Variants in CFHR3 observed in about 807,000 individuals in gnomAD.
CFHR3 encodes the protein complement factor H-related protein 3.
CFHR3 carries 22 observed loss-of-function variants against 36.0 expected under a neutral mutation model. That is an observed-to-expected ratio of 0.61 (90% CI 0.44 to 0.87). CFHR3 has a LOEUF of 0.87. Among genes scored for constraint, CFHR3 ranks in the 40% least tolerant of loss-of-function variants. CFHR3 has a pLI of 0.00. For synonymous variants in CFHR3, 97 were observed against 137.4 expected (o/e 0.71, Z 2.06); for missense variants, 276 against 401.3 (o/e 0.69, Z 2.67).
At position 196,795,218 on chromosome 1, in the gene CFHR3, C is replaced by T. The variant is rs1421582980; in HGVS notation, c.*1705C>T. The T allele has an allele frequency of 1.5e-5, 2 of 136,006 alleles. No homozygotes were observed. The highest frequency in any genetic ancestry group is 3.1e-5 in the Non-Finnish European group (2 of 64,362). The allele number at this position is 136,006 out of a possible 1,614,324, so 8.4% of individuals were successfully genotyped here. On this transcript the variant is annotated 3_prime_UTR_variant, in exon 6 of 6. Transcript: ENST00000367425. ...ATCATGGGAGCAGTTTCCCCATACCCCACTCATGGTAGTAAATACATCTCA... is the reference window on the plus strand; with the variant it reads ...ATCATGGGAGCAGTTTCCCCATACCTCACTCATGGTAGTAAATACATCTCA...
At chr1:196,789,790 A>T in intron 4 of CFHR3, 1 of 1,255,808 alleles carries the variant, frequency 8.0e-7, no homozygotes, top group Non-Finnish European at 1.0e-6. Context: ...TTTTTATTAG[A>T]ATTAAATAAA....
rs1472607168 is a variant in CFHR3, at chr1:196,781,251, G to A, written c.430+1278G>A. 1.1e-4 allele frequency among the ~76,000 whole-genome samples: 15 copies of A among 134,694 alleles called. 5 individuals carry two copies. The highest frequency in any genetic ancestry group is 2.2e-4 in the African/African-American group (7 of 31,732). 88.4% of individuals were successfully genotyped at this position (134,694 alleles called of 152,430 possible). A position where few individuals can be genotyped will look rare whatever the true frequency, so the allele number is the denominator to read the frequency against. ...AGTCTTTGCTATTGTGAATAATGCC[G>A]CAATAAGCATACGTGTGCATGTGTC... is the stretch of plus-strand genomic sequence containing the variant. On this transcript the variant is annotated intron_variant, in intron 3 of 5. Coordinates refer to ENST00000367425, the MANE Select transcript of CFHR3 (RefSeq NM_021023.6).
At position 196,790,670 on chromosome 1, in the gene CFHR3, G is replaced by A. The variant is rs1338215933; in HGVS notation, c.796+443G>A. ...ACCCGGGAGGCAGAGGTTGCAGTGA[G>A]TGGAGATTGCACCATTGCCCTCCAG... On this transcript the variant is annotated intron_variant, in intron 5 of 5. Transcript: ENST00000367425. 8.2e-5 allele frequency among the ~76,000 whole-genome samples: 11 copies of A among 134,770 alleles called. 2 individuals are homozygous for A. The highest frequency in any genetic ancestry group is 3.4e-4 in the African/African-American group (11 of 31,944). The allele number at this position is 134,770 out of a possible 152,430, so 88.4% of individuals were successfully genotyped here. A position where few individuals can be genotyped will look rare whatever the true frequency, so the allele number is the denominator to read the frequency against.
At position 196,788,334 on chromosome 1, in the gene CFHR3, T is replaced by C. The variant is rs377378334; in HGVS notation, c.549T>C (p.Asp183=). 1 of 1,528,906 alleles carries C rather than the reference T, an allele frequency of 6.5e-7. No homozygotes were observed. Among genetic ancestry groups the C allele is most frequent in the Non-Finnish European group, 8.8e-7 (1 of 1,131,686 alleles). 94.7% of individuals were successfully genotyped at this position (1,528,906 alleles called of 1,614,324 possible). A position where few individuals can be genotyped will look rare whatever the true frequency, so the allele number is the denominator to read the frequency against. ...GTAAACCAGGATATGCAACAGCAGA[T>C]GGAAATTCTTCAGGATCAATTACAT... ...YKCKPGYATA[D]GNSSGSITCL... is the part of the protein sequence containing the mutation. Residue 183 remains aspartate (D), a synonymous_variant, in exon 4 of 6, where the codon GAT becomes GAC. Transcript: ENST00000367425.
chr1:196,786,616 C>CAT (rs1654215040), intron 3 of CFHR3, among the ~76,000 whole-genome samples: 1 of 135,390 alleles, frequency 7.4e-6, no homozygotes, highest in Non-Finnish European at 1.6e-5. Flanking sequence ...GCCAGGTGAG[C>CAT]GATATAATCT....
intron 3 of CFHR3, among the ~76,000 whole-genome samples, chr1:196,787,870 A>G (rs1465579350): frequency 7.3e-6 from 1 of 136,950 alleles, no homozygotes; most frequent in African/African-American, 3.1e-5. Context: ...CCTTAATAGT[A>G]CCAAAAATAC....
rs756348984 is a variant in CFHR3 at position 196,779,305 on chromosome 1, G to A, written c.202G>A (p.Asp68Asn). 13 of 1,529,428 alleles carry A rather than the reference G, an allele frequency of 8.5e-6. 3 individuals are homozygous for A. Among genetic ancestry groups the A allele is most frequent in the Non-Finnish European group, 1.2e-5 (13 of 1,130,420 alleles). 94.7% of individuals were successfully genotyped at this position (1,529,428 alleles called of 1,614,324 possible). A position where few individuals can be genotyped will look rare whatever the true frequency, so the allele number is the denominator to read the frequency against. The change falls in exon 2 of 6, where the codon GAT (aspartate) becomes AAT (asparagine). Residue 68 changes from aspartate to asparagine, a missense_variant. Asp to Asn is a conservative substitution (Grantham distance 23, BLOSUM62 1). Transcript: ENST00000367425. ...HFETPSGSYW[D>N]YIHCTQNGWS... The stretch of plus-strand genomic sequence containing the variant: ...TGAGACTCCTTCAGGAAGTTACTGG[G>A]ATTACATTCATTGCACACAAAATGG...
intron 4 of CFHR3, chr1:196,788,885 C>T: frequency 7.0e-7 from 1 of 1,427,446 alleles, no homozygotes; most frequent in Non-Finnish European, 9.2e-7. Flanking sequence ...TGAGGATATC[C>T]AATCAAAAAA....
chr1:196,785,244 CTTCAT>C lies in CFHR3; in HGVS notation c.431-2967_431-2963del, dbSNP rs1654146875. On this transcript the variant is annotated intron_variant, in intron 3 of 5. Coordinates refer to ENST00000367425, the MANE Select transcript of CFHR3 (RefSeq NM_021023.6). The stretch of plus-strand genomic sequence containing the variant: ...CTCTGGCTGCCCTTAACATTTTTTC[CTTCAT>C]TTCAACTTTGGTGAATCTGACAATT... 2.9e-5 allele frequency among the ~76,000 whole-genome samples: 4 copies of C among 135,796 alleles called. 1 individual carries two copies. Among genetic ancestry groups the C allele is most frequent in the African/African-American group, 1.2e-4 (4 of 32,082 alleles). The allele number at this position is 135,796 out of a possible 152,430, so 89.1% of individuals were successfully genotyped here.
In CFHR3 at chr1:196,790,962, A is replaced by G. The variant is rs1368255945; in HGVS notation, c.796+735A>G. On this transcript the variant is annotated intron_variant, in intron 5 of 5. Coordinates refer to ENST00000367425, the MANE Select transcript of CFHR3 (RefSeq NM_021023.6). ...TTTCACATTATTAACACTTAGGTAAAGAGTTTTCAAACAGTTCTGAAAACA... is the reference window on the plus strand; with the variant it reads ...TTTCACATTATTAACACTTAGGTAAGGAGTTTTCAAACAGTTCTGAAAACA... Among the ~76,000 whole-genome samples, 9 of 136,398 alleles carry G rather than the reference A, an allele frequency of 6.6e-5. 3 individuals carry two copies. The highest frequency in any genetic ancestry group is 2.8e-4 in the African/African-American group (9 of 32,726). 89.5% of individuals were successfully genotyped at this position (136,398 alleles called of 152,430 possible). A position where few individuals can be genotyped will look rare whatever the true frequency, so the allele number is the denominator to read the frequency against.
intron 3 of CFHR3, 120 bp downstream of exon 3, chr1:196,780,093 G>A: frequency 7.7e-7 from 1 of 1,299,050 alleles, no homozygotes; most frequent in South Asian, 1.4e-5. Context: ...TTTTGCCAAC[G>A]GACCTATTTA....
At chr1:196,788,948 A>C in intron 4 of CFHR3, 1 of 1,365,100 alleles carries the variant, frequency 7.3e-7, no homozygotes, top group Non-Finnish European at 9.5e-7. Flanking sequence ...GAAAAGGGTA[A>C]GTGGGTGGGC....
chr1:196,782,949 T>C (rs1470316393), intron 3 of CFHR3, among the ~76,000 whole-genome samples: 1 of 136,824 alleles, frequency 7.3e-6, no homozygotes, highest in Non-Finnish European at 1.5e-5. Flanking sequence ...TTGTCATAGA[T>C]AGTTCTTGTT....
chr1:196,782,429 C>G (rs1209342581), intron 3 of CFHR3, among the ~76,000 whole-genome samples: 1 of 136,960 alleles, frequency 7.3e-6, no homozygotes, highest in East Asian at 2.0e-4. Flanking sequence ...TTCCTCCTAC[C>G]CATGAGCATG....
Position 196,789,613 on chromosome 1 carries a change from T to A in CFHR3, c.614-432T>A. On this transcript the variant is annotated intron_variant, in intron 4 of 5. Coordinates refer to ENST00000367425, the MANE Select transcript of CFHR3 (RefSeq NM_021023.6). Reference sequence around the variant, plus strand: ...AACTACATAAATGGTTACATTAACTTTTAAATTCACAAATTTAAAAGCGGT... The same window carrying A: ...AACTACATAAATGGTTACATTAACTATTAAATTCACAAATTTAAAAGCGGT... 1.5e-6 allele frequency: 2 copies of A among 1,370,264 alleles called. 1 individual carries two copies. The highest frequency in any genetic ancestry group is 1.9e-6 in the Non-Finnish European group (2 of 1,030,610). 84.9% of individuals were successfully genotyped at this position (1,370,264 alleles called of 1,614,324 possible). A position where few individuals can be genotyped will look rare whatever the true frequency, so the allele number is the denominator to read the frequency against.
rs1170373267 is a variant in CFHR3 at position 196,790,765 on chromosome 1, TAAATAAA to T, written c.796+539_796+545del. On this transcript the variant is annotated intron_variant, in intron 5 of 5. Transcript: ENST00000367425. ...ATAAATAAATAAATAAATAAATAAA[TAAATAAA>T]TAAATAAATAAAACAGAAGAAGAAG... Among the ~76,000 whole-genome samples the T allele has an allele frequency of 3.4e-5, 3 of 87,178 alleles. No homozygotes were observed. In the East Asian group the frequency reaches 1.4e-3, roughly 40 times the overall value. 57.2% of individuals were successfully genotyped at this position (87,178 alleles called of 152,430 possible).
At chr1:196,782,540 T>G (rs1653998686) in intron 3 of CFHR3, among the ~76,000 whole-genome samples, 1 of 136,876 alleles carries the variant, frequency 7.3e-6, no homozygotes, top group Non-Finnish European at 1.5e-5. Context: ...GTTGGATTCC[T>G]AGGTATTTTA....
intron 1 of CFHR3, among the ~76,000 whole-genome samples, chr1:196,776,743 T>C (rs1365233562): frequency 7.3e-6 from 1 of 136,204 alleles, no homozygotes; most frequent in Admixed American, 7.1e-5. Context: ...TACTTTGTTA[T>C]GGTAGCTCTA....
chr1:196,778,337 G>A lies in CFHR3; in HGVS notation c.59-825G>A, dbSNP rs372950999. On this transcript the variant is annotated intron_variant, in intron 1 of 5. Transcript: ENST00000367425. ...CTGTTGTGCCGCTAGCCTCCTTCCCGTTCTCTCTGATTTATGATGATTCAA... is the reference window on the plus strand; with the variant it reads ...CTGTTGTGCCGCTAGCCTCCTTCCCATTCTCTCTGATTTATGATGATTCAA... Among the ~76,000 whole-genome samples the A allele has an allele frequency of 1.5e-5, 2 of 136,600 alleles. 1 individual carries two copies. The highest frequency in any genetic ancestry group is 6.1e-5 in the African/African-American group (2 of 32,686). The allele number at this position is 136,600 out of a possible 152,430, so 89.6% of individuals were successfully genotyped here.
Sources: gnomAD v4.1 joint callset for allele counts (sites outside exome capture counted in the v4.1 genomes callset) on GRCh38, gnomAD v4.1.1 for gene constraint, MANE v1.5 for transcripts, NCBI Gene and HGNC (gene_info 2026-07-23, HGNC 2026-07-21) for gene names.